SDK2: variants seen among roughly 807,000 people sequenced by gnomAD.
SDK2 encodes sidekick cell adhesion molecule 2.
SDK2 carries 105 observed loss-of-function variants against 253.9 expected under a neutral mutation model. The observed-to-expected ratio is 0.41, with a 90% CI of 0.35 to 0.49. The LOEUF is 0.49. Among genes scored for constraint, SDK2 ranks in the 20% least tolerant of loss-of-function variants. The probability of loss-of-function intolerance (pLI) is 0.06; values close to 1 mark genes in which losing one functional copy is unlikely to be tolerated. For synonymous variants in SDK2, 1,249 were observed against 1,234.9 expected (o/e 1.01, Z -0.24); for missense variants, 2,608 against 3,003.0 (o/e 0.87, Z 3.07).
At chr17:73,374,704 G>C (rs1275370840) in intron 36 of SDK2, among the ~76,000 whole-genome samples, 1 of 151,730 alleles carries the variant, frequency 6.6e-6, no homozygotes, top group African/African-American at 2.4e-5. Flanking sequence ...CTGACCTCAA[G>C]TGATCTGCCC....
In SDK2 at chr17:73,361,854, G is replaced by A. The variant is rs1372003819; in HGVS notation, c.5306-9C>T. ...CACGATCTTGCTGACTCCTGGGGGA[G>A]GCACAGCAAGTGGGGACTGGGCACA... On this transcript the variant is annotated splice_polypyrimidine_tract_variant and intron_variant, in intron 38 of 44. Transcript: ENST00000392650. The surrounding 1 kb of genome is among the most constrained non-coding windows in gnomAD (Gnocchi z 4.1). 2 of 1,571,500 alleles carry A rather than the reference G, an allele frequency of 1.3e-6. No homozygotes were observed. Among genetic ancestry groups the A allele is most frequent in the Non-Finnish European group, 1.7e-6 (2 of 1,154,520 alleles).
rs2062391962 is a variant in SDK2 at position 73,337,724 on chromosome 17, A to C, written c.*863T>G. 1 of 152,238 alleles carries C rather than the reference A, an allele frequency of 6.6e-6. No individual in the cohort carries two copies. Among genetic ancestry groups the C allele is most frequent in the Non-Finnish European group, 1.5e-5 (1 of 68,076 alleles). 9.4% of individuals were successfully genotyped at this position (152,238 alleles called of 1,614,324 possible). ...TAAACCTAATCATCCCACAGTGCCA[A>C]GGCCAGTCGCCTTATTTACACCTCT... On this transcript the variant is annotated 3_prime_UTR_variant, in exon 45 of 45. Coordinates refer to ENST00000392650, the MANE Select transcript of SDK2 (RefSeq NM_001144952.2).
intron 1 of SDK2, among the ~76,000 whole-genome samples, chr17:73,553,660 C>T (rs74727461): frequency 0.011 from 1,718 of 152,220 alleles, 38 homozygotes; most frequent in African/African-American, 0.04. Context: ...TCTCCTTCCT[C>T]GGGCCTACAC....
chr17:73,435,429 A>G lies in SDK2; in HGVS notation c.1195+21T>C, dbSNP rs1215081257. On this transcript the variant is annotated intron_variant, in intron 9 of 44. Coordinates refer to ENST00000392650, the MANE Select transcript of SDK2 (RefSeq NM_001144952.2). This position sits in a 1 kb window ranked among gnomAD's most constrained non-coding sequence, Gnocchi z 5.7. ...CTGGGAAGAGGGGCTCACGGGCAGCACAAGGGAAGGCCCAACTTACTGGTG... is the reference window on the plus strand; with the variant it reads ...CTGGGAAGAGGGGCTCACGGGCAGCGCAAGGGAAGGCCCAACTTACTGGTG... 6.4e-7 allele frequency: 1 copy of G among 1,572,534 alleles called. No individual in the cohort carries two copies. Among genetic ancestry groups the G allele is most frequent in the South Asian group, 1.2e-5 (1 of 84,776 alleles).
At chr17:73,363,784 C>T (rs1298177919) in intron 38 of SDK2, among the ~76,000 whole-genome samples, 2 of 152,056 alleles carry the variant, frequency 1.3e-5, no homozygotes, top group African/African-American at 2.4e-5. Context: ...CAGGTTGAGG[C>T]CCCTGTGAAG....
chr17:73,504,845 G>C (rs920007280), intron 2 of SDK2, among the ~76,000 whole-genome samples: 1 of 152,144 alleles, frequency 6.6e-6, no homozygotes, highest in African/African-American at 2.4e-5. Flanking sequence ...GGGGGTGGCA[G>C]GAGGTGAGAC....
intron 36 of SDK2, among the ~76,000 whole-genome samples, chr17:73,370,537 C>T (rs2062725557): frequency 1.3e-5 from 2 of 150,408 alleles, no homozygotes. Flanking sequence ...GCCACTGTGC[C>T]CGGCCCTCTC....
In SDK2 at chr17:73,642,242, G is replaced by A. The variant is rs1471224634; in HGVS notation, c.64+1783C>T. On this transcript the variant is annotated intron_variant, in intron 1 of 44. Transcript: ENST00000392650. The surrounding 1 kb of genome is among the most constrained non-coding windows in gnomAD (Gnocchi z 4.7). Reference sequence around the variant, plus strand: ...AAGACCCCAAAGCAAGGGCCATCAGGTGCCCTGGGGACTCTATAAGGGCCT... The same window carrying A: ...AAGACCCCAAAGCAAGGGCCATCAGATGCCCTGGGGACTCTATAAGGGCCT... Among the ~76,000 whole-genome samples, 1 of 152,196 alleles carries A rather than the reference G, an allele frequency of 6.6e-6. No homozygotes were observed. The highest frequency in any genetic ancestry group is 2.1e-4 in the South Asian group (1 of 4,830).
At position 73,440,897 on chromosome 17, in the gene SDK2, C is replaced by T. The variant is rs965309157; in HGVS notation, c.640G>A (p.Ala214Thr). The T allele has an allele frequency of 7.1e-6, 11 of 1,551,312 alleles. No homozygotes were observed. The highest frequency in any genetic ancestry group is 2.0e-5 in the Admixed American group (1 of 50,968). The change falls in exon 6 of 45, where the codon GCA becomes ACA. Residue 214 changes from alanine to threonine, a missense_variant. By Grantham distance (58) the Ala-to-Thr change is moderately conservative (BLOSUM62 0). This residue lies in a region of SDK2 where 1,505 missense variants were observed against 1,859.1 expected (regional missense o/e 0.81). Coordinates refer to ENST00000392650, the MANE Select transcript of SDK2 (RefSeq NM_001144952.2). ...TTAGGTGGGATGATGATGGTGGGTGCGATGGGGTCTGCAGGCCCCCCTACA... is the reference window on the plus strand; with the variant it reads ...TTAGGTGGGATGATGATGGTGGGTGTGATGGGGTCTGCAGGCCCCCCTACA... ...ENVGGPADPI[A>T]PTIIIPPKNT...
chr17:73,604,457 C>A (rs969461927), intron 1 of SDK2, among the ~76,000 whole-genome samples: 4 of 152,242 alleles, frequency 2.6e-5, no homozygotes, highest in African/African-American at 9.6e-5. Context: ...TGCAACCACA[C>A]ATGACACTTT....
intron 1 of SDK2, among the ~76,000 whole-genome samples, chr17:73,558,002 T>A (rs1296741224): frequency 5.3e-5 from 8 of 152,200 alleles, no homozygotes; most frequent in Admixed American, 5.2e-4. Flanking sequence ...AGTCCAGCTC[T>A]CTTGTTCTAG....
rs1158434692 is a variant in SDK2, at chr17:73,534,035, G to GCCTGCTC, written c.65-26445_65-26439dup. Among the ~76,000 whole-genome samples the GCCTGCTC allele has an allele frequency of 2.0e-5, 3 of 151,960 alleles. No homozygotes were observed. Among genetic ancestry groups the GCCTGCTC allele is most frequent in the Non-Finnish European group, 2.9e-5 (2 of 67,978 alleles). Reference sequence around the variant, plus strand: ...TGCAGCCAAGACGCCATTCTGCTCCGCCTGCTCCCTGCTCCTCCTCCTCCT... The same window carrying GCCTGCTC: ...TGCAGCCAAGACGCCATTCTGCTCCGCCTGCTCCCTGCTCCCTGCTCCTCCTCCTCCT... On this transcript the variant is annotated intron_variant, in intron 1 of 44. Transcript: ENST00000392650. The surrounding 1 kb of genome is among the most constrained non-coding windows in gnomAD (Gnocchi z 4.9).
In SDK2 at chr17:73,401,090, C is replaced by G; in HGVS notation, c.2901G>C (p.Glu967Asp). Residue 967 changes from glutamate to aspartate, a missense_variant, in exon 21 of 45, where the codon GAG (glutamate) becomes GAC (aspartate). Around this residue, in one of 2 missense-constraint regions of SDK2, gnomAD observed 1,505 missense variants for 1,859.1 expected, o/e 0.81. Transcript: ENST00000392650. ...GGCCCTTTGAGGTCATGGCGGCCAC[C>G]TCGATGGTGTAGGTGGTGAGCGCGG... ...GLTALTTYTI[E>D]VAAMTSKGQG... 6.4e-7 allele frequency: 1 copy of G among 1,569,266 alleles called. No homozygotes were observed. The highest frequency in any genetic ancestry group is 8.6e-7 in the Non-Finnish European group (1 of 1,157,224).
intron 1 of SDK2, among the ~76,000 whole-genome samples, chr17:73,591,579 C>T (rs1357679538): frequency 6.6e-6 from 1 of 152,110 alleles, no homozygotes; most frequent in Non-Finnish European, 1.5e-5. Flanking sequence ...AGAATACTCT[C>T]GCAAATTGGG....
intron 44 of SDK2, among the ~76,000 whole-genome samples, chr17:73,348,372 C>G (rs1351294743): frequency 6.6e-6 from 1 of 152,198 alleles, no homozygotes; most frequent in African/African-American, 2.4e-5. Flanking sequence ...CTTCGGGGTA[C>G]CCCCTATGAT....
Position 73,395,456 on chromosome 17 carries a change from TG to T in SDK2, c.3355-65del. 5 of 1,363,686 alleles carry T rather than the reference TG, an allele frequency of 3.7e-6. No individual in the cohort carries two copies. The highest frequency in any genetic ancestry group is 5.2e-6 in the Non-Finnish European group (5 of 961,608). The allele number at this position is 1,363,686 out of a possible 1,614,324, so 84.5% of individuals were successfully genotyped here. A position where few individuals can be genotyped will look rare whatever the true frequency, so the allele number is the denominator to read the frequency against. Reference sequence around the variant, plus strand: ...GGCCCCCCACTGTGCAGGGAGGAACTGCCCTGCTACCCTCTCCTCCAGGGCG... The same window carrying T: ...GGCCCCCCACTGTGCAGGGAGGAACTCCCTGCTACCCTCTCCTCCAGGGCG... On this transcript the variant is annotated intron_variant, in intron 24 of 44. Transcript: ENST00000392650. The surrounding 1 kb of genome is among the most constrained non-coding windows in gnomAD (Gnocchi z 4.3).
Position 73,379,042 on chromosome 17 carries a change from C to G in SDK2, c.4980+135G>C. On this transcript the variant is annotated intron_variant, in intron 36 of 44. Transcript: ENST00000392650. The surrounding 1 kb of genome is among the most constrained non-coding windows in gnomAD (Gnocchi z 4.5). ...CCAAGGTGGCAGGTGTACCACAGAG[C>G]CTGAAGGGCCGAGGAGCTGGCTGGA... The G allele has an allele frequency of 3.0e-6, 2 of 660,272 alleles. No individual in the cohort carries two copies. The highest frequency in any genetic ancestry group is 3.7e-5 in the South Asian group (2 of 53,870). 40.9% of individuals were successfully genotyped at this position (660,272 alleles called of 1,614,324 possible).
chr17:73,440,702 G>T, intron 6 of SDK2, 110 bp downstream of exon 6: 1 of 790,444 alleles, frequency 1.3e-6, no homozygotes, highest in Non-Finnish European at 2.2e-6. Flanking sequence ...CTCCTCCCCT[G>T]TCCTGGATCC....
chr17:73,435,314 G>T lies in SDK2; in HGVS notation c.1195+136C>A. 1.2e-6 allele frequency: 1 copy of T among 818,372 alleles called. No individual in the cohort carries two copies. Among genetic ancestry groups the T allele is most frequent in the Non-Finnish European group, 1.9e-6 (1 of 539,300 alleles). The allele number at this position is 818,372 out of a possible 1,614,324, so 50.7% of individuals were successfully genotyped here. Reference sequence around the variant, plus strand: ...ACTGGCTGTGCCCCCAGGCTGCTGGGCAGCAGGCGGCCTTTGGGGATCCTA... The same window carrying T: ...ACTGGCTGTGCCCCCAGGCTGCTGGTCAGCAGGCGGCCTTTGGGGATCCTA... On this transcript the variant is annotated intron_variant, in intron 9 of 44. Coordinates refer to ENST00000392650, the MANE Select transcript of SDK2 (RefSeq NM_001144952.2). The surrounding 1 kb of genome is among the most constrained non-coding windows in gnomAD (Gnocchi z 5.7).
Sources: allele counts gnomAD v4.1 joint callset (sites outside exome capture counted in the v4.1 genomes callset), GRCh38; gene constraint gnomAD v4.1.1; regional missense constraint gnomAD v4.1.1; non-coding constraint Gnocchi (gnomAD v3.1); transcripts MANE v1.5; gene names NCBI Gene and HGNC (gene_info 2026-07-23, HGNC 2026-07-21).